The following GRIN2B variants were observed in gnomAD, a reference collection of about 807,000 sequenced individuals.
The protein encoded by GRIN2B is glutamate ionotropic receptor NMDA type subunit 2B, also known as glutamate receptor ionotropic, NMDA 2B.
Under a neutral mutation model 114.5 loss-of-function variants are expected in GRIN2B, and 5 were observed. The observed-to-expected ratio is 0.04, with a 90% CI of 0.02 to 0.09. GRIN2B has a LOEUF of 0.09. GRIN2B is among the 10% of genes least tolerant of loss of function. GRIN2B has a pLI of 1.00. For missense variants in GRIN2B, 1,108 were observed against 1,943.5 expected (o/e 0.57, Z 8.08); for synonymous variants, 787 against 745.1 (o/e 1.06, Z -0.92).
chr12:13,894,042 T>A (rs983027752), intron 2 of GRIN2B, among the ~76,000 whole-genome samples: 2 of 152,012 alleles, frequency 1.3e-5, no homozygotes, highest in Non-Finnish European at 2.9e-5. Context: ...ACCTACCAAA[T>A]CATAAAGATT....
intron 5 of GRIN2B, among the ~76,000 whole-genome samples, chr12:13,662,292 A>G (rs1345825138): frequency 6.6e-5 from 10 of 152,202 alleles, no homozygotes; most frequent in Non-Finnish European, 1.2e-4. Flanking sequence ...GTGGGCCTGT[A>G]GCCTCAACAC....
intron 4 of GRIN2B, among the ~76,000 whole-genome samples, chr12:13,744,196 C>T (rs1342713297): frequency 6.6e-6 from 1 of 152,224 alleles, no homozygotes; most frequent in African/African-American, 2.4e-5. Context: ...TTCATCAGAG[C>T]TAATTCCAGG....
At chr12:13,845,627 C>A (rs1865459012) in intron 3 of GRIN2B, among the ~76,000 whole-genome samples, 2 of 149,408 alleles carry the variant, frequency 1.3e-5, no homozygotes, top group African/African-American at 2.4e-5. Context: ...CCTCAGTGTC[C>A]TCTATTGTAA....
chr12:13,888,978 T>C (rs1866212524), intron 2 of GRIN2B, among the ~76,000 whole-genome samples: 1 of 152,134 alleles, frequency 6.6e-6, no homozygotes, highest in Admixed American at 6.6e-5. Flanking sequence ...CAGTAATAAA[T>C]TAGCTTACTA....
chr12:13,623,688 C>A (rs543963268), intron 5 of GRIN2B, among the ~76,000 whole-genome samples: 1 of 152,262 alleles, frequency 6.6e-6, no homozygotes, highest in South Asian at 2.1e-4. Context: ...ATGATAGTAA[C>A]CCTTCATCTC....
At chr12:13,820,402 C>T (rs2136692552) in intron 3 of GRIN2B, among the ~76,000 whole-genome samples, 1 of 152,286 alleles carries the variant, frequency 6.6e-6, no homozygotes, top group East Asian at 1.9e-4. Flanking sequence ...TTATTAAGCA[C>T]CTATTAGTTT....
chr12:13,945,942 T>A (rs1242008660), intron 2 of GRIN2B, among the ~76,000 whole-genome samples: 1 of 152,130 alleles, frequency 6.6e-6, no homozygotes. Flanking sequence ...GTGCATATTA[T>A]AACAATGCAA....
chr12:13,780,675 G>A (rs375809933), intron 3 of GRIN2B, among the ~76,000 whole-genome samples: 33 of 152,122 alleles, frequency 2.2e-4, no homozygotes, highest in African/African-American at 5.6e-4. Flanking sequence ...ATAACATGAC[G>A]TGGCAGGAGA....
intron 4 of GRIN2B, among the ~76,000 whole-genome samples, chr12:13,714,237 A>G (rs141944417): frequency 6.6e-6 from 1 of 151,920 alleles, no homozygotes; most frequent in African/African-American, 2.4e-5. Context: ...CTGAGGCAGT[A>G]AAAATCTGTT....
At chr12:13,944,381 T>C (rs1178001798) in intron 2 of GRIN2B, among the ~76,000 whole-genome samples, 1 of 152,192 alleles carries the variant, frequency 6.6e-6, no homozygotes, top group Admixed American at 6.5e-5. Flanking sequence ...TCCTTGTCCA[T>C]GCCCCAAGGT....
At position 13,862,122 on chromosome 12, in the gene GRIN2B, G is replaced by A. The variant is rs1005908859; in HGVS notation, c.411+3676C>T. 3.9e-5 allele frequency among the ~76,000 whole-genome samples: 6 copies of A among 152,162 alleles called. No individual in the cohort carries two copies. The East Asian group carries it at 7.7e-4, about 20-fold the overall frequency. ...TAATAGCCCTACTCAGCTAGCCCCC[G>A]TGCTTCTTTCCACCATAATATAAAG... On this transcript the variant is annotated intron_variant, in intron 3 of 13. Transcript: ENST00000609686.
At chr12:13,599,643 T>G (rs1419950289) in intron 10 of GRIN2B, among the ~76,000 whole-genome samples, 1 of 152,238 alleles carries the variant, frequency 6.6e-6, no homozygotes, top group African/African-American at 2.4e-5. Context: ...TTGTTATTAA[T>G]CAGAAAAGAA....
chr12:13,795,254 A>G (rs2136668849), intron 3 of GRIN2B, among the ~76,000 whole-genome samples: 1 of 152,342 alleles, frequency 6.6e-6, no homozygotes, highest in Non-Finnish European at 1.5e-5. Context: ...ACTATAAGAT[A>G]GAAAAAAAGT....
chr12:13,937,670 G>A (rs970510327), intron 2 of GRIN2B, among the ~76,000 whole-genome samples: 2 of 152,100 alleles, frequency 1.3e-5, no homozygotes, highest in Admixed American at 1.3e-4. Flanking sequence ...AAGATGTACT[G>A]AAAATGGAAA....
intron 2 of GRIN2B, among the ~76,000 whole-genome samples, chr12:13,973,001 G>T (rs1026070323): frequency 4.6e-5 from 7 of 152,270 alleles, no homozygotes; most frequent in African/African-American, 1.7e-4. Context: ...AACTGCTATG[G>T]CATCTGTGTG....
At chr12:13,701,485 T>C (rs1251506337) in intron 4 of GRIN2B, among the ~76,000 whole-genome samples, 1 of 146,900 alleles carries the variant, frequency 6.8e-6, no homozygotes, top group South Asian at 2.2e-4. Context: ...GCAACTATTA[T>C]GTGTGAAGCA....
At chr12:13,786,021 T>G (rs761704508) in intron 3 of GRIN2B, among the ~76,000 whole-genome samples, 1 of 152,186 alleles carries the variant, frequency 6.6e-6, no homozygotes. Context: ...CAGTACTACA[T>G]CATGAATCAA....
At chr12:13,665,557 C>T (rs11055577) in intron 5 of GRIN2B, among the ~76,000 whole-genome samples, 41,737 of 151,998 alleles carry the variant, frequency 0.27, 6,098 homozygotes, top group African/African-American at 0.34. Flanking sequence ...TGGACACAAA[C>T]GGAGCTAGAT....
intron 4 of GRIN2B, among the ~76,000 whole-genome samples, chr12:13,738,840 T>A (rs973083643): frequency 8.5e-5 from 13 of 152,146 alleles, no homozygotes; most frequent in Admixed American, 7.2e-4. Context: ...GCCCTTACCC[T>A]CTTCCAGTGC....
Sources: gnomAD v4.1 joint callset for allele counts (sites outside exome capture counted in the v4.1 genomes callset) on GRCh38, gnomAD v4.1.1 for gene constraint, MANE v1.5 for transcripts, NCBI Gene and HGNC (gene_info 2026-07-23, HGNC 2026-07-21) for gene names.